EPCAM: variants seen among roughly 807,000 people sequenced by gnomAD.
EPCAM encodes adenocarcinoma-associated antigen.
A neutral mutation model predicts 40.0 loss-of-function variants in EPCAM; 39 were observed. That is an observed-to-expected ratio of 0.98 (90% CI 0.76 to 1.27). The LOEUF (loss-of-function observed/expected upper bound fraction) is 1.27, where lower values mean the gene tolerates loss of function less well. Ranked by LOEUF, EPCAM falls within the 50% of genes most tolerant of loss-of-function variation. The pLI, the probability that EPCAM is intolerant of heterozygous loss-of-function variation, is 0.00. For missense variants in EPCAM, 503 were observed against 381.2 expected (o/e 1.32, Z -2.66); for synonymous variants, 168 against 132.3 (o/e 1.27, Z -1.85).
chr2:47,379,161 G>GGTTC, intron 6 of EPCAM, 107 bp downstream of exon 6: 1 of 724,682 alleles, frequency 1.4e-6, no homozygotes, highest in Non-Finnish European at 2.5e-6. Context: ...TCAACCAAAT[G>GGTTC]GTTCGCTGCT....
chr2:47,369,752 A>G (rs899431034), intron 1 of EPCAM, 171 bp downstream of exon 1: 43 of 759,996 alleles, frequency 5.7e-5, no homozygotes, highest in Admixed American at 5.6e-4. Context: ...TCCGCGCGGT[A>G]GGAAACGGCG....
In EPCAM at chr2:47,376,892, G is replaced by T. The variant is rs137997441; in HGVS notation, c.492-122G>T. 7.0e-4 allele frequency: 467 copies of T among 671,070 alleles called. 4 individuals are homozygous for T. In the African/African-American group the frequency reaches 7.7e-3, roughly 11 times the overall value. 41.6% of individuals were successfully genotyped at this position (671,070 alleles called of 1,614,324 possible). On this transcript the variant is annotated intron_variant, in intron 4 of 8. Transcript: ENST00000263735. ...TTATTATTATGATAGTTGCAAAATG[G>T]CAGAAAAATTTTAACTTTAATGACA...
intron 7 of EPCAM, among the ~76,000 whole-genome samples, chr2:47,380,187 G>T (rs1017717562): frequency 6.6e-6 from 1 of 151,988 alleles, no homozygotes; most frequent in Non-Finnish European, 1.5e-5. Context: ...GTGATGGCTT[G>T]CACCTGTGGT....
In EPCAM at chr2:47,377,452, G is replaced by C. The variant is rs1002313248; in HGVS notation, c.555+375G>C. On this transcript the variant is annotated intron_variant, in intron 5 of 8. Coordinates refer to ENST00000263735, the MANE Select transcript of EPCAM (RefSeq NM_002354.3). ...GGGTTTTGCTATGTTGGCCAGGCTG[G>C]TCTCGAACTCCTGGCCTCAAGTGAT... 3.3e-5 allele frequency among the ~76,000 whole-genome samples: 5 copies of C among 151,926 alleles called. No individual in the cohort carries two copies. In the South Asian group the frequency reaches 1.0e-3, roughly 32 times the overall value.
intron 2 of EPCAM, 88 bp downstream of exon 2, chr2:47,373,658 T>C: frequency 6.9e-7 from 1 of 1,441,352 alleles, no homozygotes; most frequent in Non-Finnish European, 9.7e-7. Context: ...AGAGTTTTAT[T>C]GGCTTAAATC....
At position 47,371,219 on chromosome 2, in the gene EPCAM, G is replaced by T. The variant is rs548312409; in HGVS notation, c.76+1638G>T. On this transcript the variant is annotated intron_variant, in intron 1 of 8. Transcript: ENST00000263735. Reference sequence around the variant, plus strand: ...ATGTTAGACATGTAGTTTGATTTCAGTTTCTCTTAACTGTGGAATAAACAA... The same window carrying T: ...ATGTTAGACATGTAGTTTGATTTCATTTTCTCTTAACTGTGGAATAAACAA... 1.8e-3 allele frequency among the ~76,000 whole-genome samples: 281 copies of T among 152,236 alleles called. 2 individuals carry two copies. The South Asian group carries it at 0.025, about 14-fold the overall frequency.
intron 4 of EPCAM, 34 bp from the exon 5 acceptor site, chr2:47,376,979 AT>A (rs141632294): frequency 4.7e-4 from 677 of 1,431,504 alleles, no homozygotes; most frequent in Non-Finnish European, 5.8e-4. Flanking sequence ...TGGTACAAAC[AT>A]TTTTTTTTAA....
chr2:47,369,668 A>G (rs953510420), intron 1 of EPCAM, 87 bp downstream of exon 1: 42 of 1,324,268 alleles, frequency 3.2e-5, no homozygotes, highest in Non-Finnish European at 4.0e-5. Context: ...AACGGGCATA[A>G]TAGGGAGGGG....
chr2:47,378,946 T>C lies in EPCAM; in HGVS notation c.556-7T>C, dbSNP rs1338383432. The C allele has an allele frequency of 3.9e-6, 5 of 1,267,218 alleles. No homozygotes were observed. The highest frequency in any genetic ancestry group is 2.3e-5 in the East Asian group (1 of 43,182). 78.5% of individuals were successfully genotyped at this position (1,267,218 alleles called of 1,614,324 possible). A position where few individuals can be genotyped will look rare whatever the true frequency, so the allele number is the denominator to read the frequency against. ...ATTAATTTGTATTATTCAATTTTTTTCCCCAGTATGAGAATAATGTTATCA... is the reference window on the plus strand; with the variant it reads ...ATTAATTTGTATTATTCAATTTTTTCCCCCAGTATGAGAATAATGTTATCA... On this transcript the variant is annotated splice_region_variant and splice_polypyrimidine_tract_variant and intron_variant, in intron 5 of 8. Transcript: ENST00000263735.
At chr2:47,375,508 A>G (rs1671397772) in intron 4 of EPCAM, among the ~76,000 whole-genome samples, 1 of 152,170 alleles carries the variant, frequency 6.6e-6, no homozygotes, top group African/African-American at 2.4e-5. Flanking sequence ...TGCTTTTTAT[A>G]TGTGTATGTG....
At chr2:47,372,663 T>A (rs56368712) in intron 1 of EPCAM, among the ~76,000 whole-genome samples, 12,520 of 151,996 alleles carry the variant, frequency 0.082, 627 homozygotes, top group East Asian at 0.25. Context: ...TCCCAGCTAC[T>A]TGGGAGGCTG....
intron 7 of EPCAM, chr2:47,383,251 A>G (rs1200361397): frequency 6.7e-6 from 1 of 148,760 alleles, no homozygotes; most frequent in East Asian, 2.0e-4. Flanking sequence ...GCTTGCAGTG[A>G]GCCGAGATTG....
At chr2:47,373,735 A>T (rs2103746650) in intron 2 of EPCAM, 73 bp from the exon 3 acceptor site, 1 of 1,591,940 alleles carries the variant, frequency 6.3e-7, no homozygotes. Context: ...CTGGAACTTT[A>T]GAGTTAATTT....
intron 8 of EPCAM, among the ~76,000 whole-genome samples, chr2:47,386,360 C>T (rs1015815195): frequency 9.2e-5 from 14 of 152,190 alleles, no homozygotes; most frequent in African/African-American, 3.1e-4. Flanking sequence ...GTCACTTTGG[C>T]GATCTTGTCT....
At chr2:47,381,488 C>G (rs561742443) in intron 7 of EPCAM, among the ~76,000 whole-genome samples, 1 of 151,528 alleles carries the variant, frequency 6.6e-6, no homozygotes, top group Non-Finnish European at 1.5e-5. Flanking sequence ...GTTCAATCAA[C>G]CATGTTTGGC....
chr2:47,375,105 A>G lies in EPCAM; in HGVS notation c.426-129A>G, dbSNP rs1357926102. ...AAGGATGTGTAAGGGAAGAAATTAT[A>G]GGAATAGCTACTGCATAAATTTTTT... On this transcript the variant is annotated intron_variant, in intron 3 of 8. Transcript: ENST00000263735. 6.0e-6 allele frequency: 4 copies of G among 672,122 alleles called. No individual in the cohort carries two copies. In the East Asian group the frequency reaches 8.4e-5, roughly 14 times the overall value. 41.6% of individuals were successfully genotyped at this position (672,122 alleles called of 1,614,324 possible).
Position 47,369,564 on chromosome 2 carries a change from T to G in EPCAM, c.59T>G (p.Phe20Cys). 6.3e-7 allele frequency: 1 copy of G among 1,589,712 alleles called. No individual in the cohort carries two copies. The highest frequency in any genetic ancestry group is 1.8e-5 in the Admixed American group (1 of 56,154). Residue 20 changes from phenylalanine (F) to cysteine (C), a missense_variant, in exon 1 of 9, where the codon TTT becomes TGT. Transcript: ENST00000263735. Reference protein sequence around the residue: ...GLLLAAATATFAAAQEECVCE... With the variant: ...GLLLAAATATCAAAQEECVCE... ...CTGCTTGCCGCGGCGACGGCGACTT[T>G]TGCCGCAGCTCAGGAAGGTGAGGCG...
chr2:47,379,612 AAC>A (rs534760114), intron 6 of EPCAM, among the ~76,000 whole-genome samples, 155 bp from the exon 7 acceptor site: 19 of 152,316 alleles, frequency 1.2e-4, no homozygotes, highest in Admixed American at 9.2e-4. Flanking sequence ...TCCTGTAATA[AAC>A]AGTTTTTTAA....
rs764501330 is a variant in EPCAM at position 47,375,179 on chromosome 2, A to G, written c.426-55A>G. ...GAATTTTAGGATTAGCTTATTAGGA[A>G]AATAGTATGGAAGACTGAGTTATAG... On this transcript the variant is annotated intron_variant, in intron 3 of 8. Transcript: ENST00000263735. 8.3e-6 allele frequency: 11 copies of G among 1,327,350 alleles called. 1 individual carries two copies. The South Asian group carries it at 1.3e-4, about 16-fold the overall frequency. 82.2% of individuals were successfully genotyped at this position (1,327,350 alleles called of 1,614,324 possible).
Sources: allele counts gnomAD v4.1 joint callset (sites outside exome capture counted in the v4.1 genomes callset), GRCh38; gene constraint gnomAD v4.1.1; transcripts MANE v1.5; gene names NCBI Gene and HGNC (gene_info 2026-07-23, HGNC 2026-07-21).